FRMD4A: variants seen among roughly 807,000 people sequenced by gnomAD.
The protein encoded by FRMD4A is FERM domain-containing protein 4A.
FRMD4A carries 29 observed loss-of-function variants against 129.1 expected under a neutral mutation model. That is an observed-to-expected ratio of 0.22 (90% CI 0.17 to 0.31). The LOEUF (loss-of-function observed/expected upper bound fraction) is 0.31, where lower values mean the gene tolerates loss of function less well. FRMD4A is among the 10% of genes least tolerant of loss of function. The pLI is 1.00. For missense variants in FRMD4A, 1,272 were observed against 1,375.8 expected (o/e 0.92, Z 1.19); for synonymous variants, 634 against 571.6 (o/e 1.11, Z -1.56).
At chr10:13,676,619 G>A (rs932380045) in intron 15 of FRMD4A, among the ~76,000 whole-genome samples, 1 of 152,138 alleles carries the variant, frequency 6.6e-6, no homozygotes, top group African/African-American at 2.4e-5. Flanking sequence ...AGAAGTGTTA[G>A]AAACGGACAG....
rs369852562 is a variant in FRMD4A, at chr10:13,764,184, CGTGTGTGTGT to C, written c.385-1514_385-1505del. ...CATATCGATCACATCCAAAGATTTC[CGTGTGTGTGT>C]GTGTGTGTGTGTGTGTGTGTGTGTG... On this transcript the variant is annotated intron_variant, in intron 6 of 24. Transcript: ENST00000357447. Among the ~76,000 whole-genome samples the C allele has an allele frequency of 4.0e-3, 563 of 141,690 alleles. 3 individuals carry two copies. Among genetic ancestry groups the C allele is most frequent in the African/African-American group, 0.013 (504 of 37,504 alleles). 93.0% of individuals were successfully genotyped at this position (141,690 alleles called of 152,430 possible).
At chr10:13,983,717 G>C (rs980649483) in intron 2 of FRMD4A, among the ~76,000 whole-genome samples, 2 of 152,008 alleles carry the variant, frequency 1.3e-5, no homozygotes, top group Admixed American at 6.6e-5. Flanking sequence ...AATAAACTGG[G>C]GGCCGGGCGC....
In FRMD4A at chr10:13,762,765, G is replaced by A. The variant is rs1342030301; in HGVS notation, c.385-85C>T. The A allele has an allele frequency of 1.2e-5, 10 of 818,196 alleles. No individual in the cohort carries two copies. In the Admixed American group the frequency reaches 1.4e-4, roughly 12 times the overall value. 50.7% of individuals were successfully genotyped at this position (818,196 alleles called of 1,614,324 possible). A position where few individuals can be genotyped will look rare whatever the true frequency, so the allele number is the denominator to read the frequency against. ...TTATTTTAAATGACAGCTCTTCTTC[G>A]GGAGGATTACTTGAGCCCTGGAGTT... is the stretch of plus-strand genomic sequence containing the variant. On this transcript the variant is annotated intron_variant, in intron 6 of 24. Transcript: ENST00000357447.
chr10:13,730,178 G>C (rs1269555008), intron 12 of FRMD4A, among the ~76,000 whole-genome samples: 1 of 152,134 alleles, frequency 6.6e-6, no homozygotes, highest in Non-Finnish European at 1.5e-5. Flanking sequence ...AGAGCTCTCA[G>C]GCTTTCTCGG....
intron 2 of FRMD4A, among the ~76,000 whole-genome samples, chr10:14,211,929 C>G (rs1357897372): frequency 1.3e-5 from 2 of 152,196 alleles, no homozygotes; most frequent in Non-Finnish European, 2.9e-5. Context: ...TGCCTCAGCA[C>G]TGGGGAAGTG....
intron 3 of FRMD4A, among the ~76,000 whole-genome samples, chr10:13,846,895 C>T (rs1172159848): frequency 6.6e-6 from 1 of 152,144 alleles, no homozygotes; most frequent in East Asian, 1.9e-4. Context: ...GAACATGGAA[C>T]TAGGCAGGGT....
In FRMD4A at chr10:13,821,887, T is replaced by C. The variant is rs1305734342; in HGVS notation, c.112-10979A>G. 1.3e-5 allele frequency among the ~76,000 whole-genome samples: 2 copies of C among 152,088 alleles called. No homozygotes were observed. The highest frequency in any genetic ancestry group is 2.9e-5 in the Non-Finnish European group (2 of 68,012). On this transcript the variant is annotated intron_variant, in intron 3 of 24. Coordinates refer to ENST00000357447, the MANE Select transcript of FRMD4A (RefSeq NM_018027.5). This position sits in a 1 kb window ranked among gnomAD's most constrained non-coding sequence, Gnocchi z 4.3. ...AGGGTGGGCACCTTGGTTACCAGCA[T>C]AGGTGAGGTGGCCCCGAAGTGCCCG... is the stretch of plus-strand genomic sequence containing the variant.
At chr10:14,105,790 A>G (rs540385043) in intron 2 of FRMD4A, among the ~76,000 whole-genome samples, 8 of 152,052 alleles carry the variant, frequency 5.3e-5, no homozygotes, top group East Asian at 1.9e-4. Flanking sequence ...TTTTGAACAC[A>G]CTGGGTCATT....
chr10:14,009,573 A>G lies in FRMD4A; in HGVS notation c.46-150661T>C, dbSNP rs187332412. 1.3e-4 allele frequency among the ~76,000 whole-genome samples: 20 copies of G among 152,340 alleles called. No individual in the cohort carries two copies. In the East Asian group the frequency reaches 2.5e-3, roughly 19 times the overall value. ...GAAATGGGGGTGGGGTGCGAAGGAA[A>G]GAAGCAGAGTTTTGTACTATGAGAA... is the stretch of plus-strand genomic sequence containing the variant. On this transcript the variant is annotated intron_variant, in intron 2 of 24. Transcript: ENST00000357447.
intron 13 of FRMD4A, among the ~76,000 whole-genome samples, chr10:13,705,277 C>T (rs2087305305): frequency 6.6e-6 from 1 of 152,170 alleles, no homozygotes; most frequent in Admixed American, 6.5e-5. Flanking sequence ...TAGATTCTTT[C>T]CTATATCCCT....
intron 2 of FRMD4A, among the ~76,000 whole-genome samples, chr10:13,982,855 G>T (rs537429608): frequency 6.6e-6 from 1 of 152,184 alleles, no homozygotes; most frequent in African/African-American, 2.4e-5. Flanking sequence ...AATTTTCAGC[G>T]AACTTTCTGA....
intron 2 of FRMD4A, among the ~76,000 whole-genome samples, chr10:14,093,735 T>C (rs1324358837): frequency 6.6e-6 from 1 of 152,234 alleles, no homozygotes; most frequent in Non-Finnish European, 1.5e-5. Context: ...AGAGACTAGA[T>C]ATCCTGCTTA....
chr10:13,743,934 G>A (rs1355314948), intron 9 of FRMD4A, among the ~76,000 whole-genome samples: 2 of 152,144 alleles, frequency 1.3e-5, no homozygotes, highest in African/African-American at 2.4e-5. Context: ...GGGATAACTA[G>A]CAGAAATCCA....
chr10:13,689,464 A>G (rs1418806724), intron 15 of FRMD4A, among the ~76,000 whole-genome samples: 1 of 152,100 alleles, frequency 6.6e-6, no homozygotes. Context: ...ATAATTTGGG[A>G]AAAAAAGTAC....
At chr10:13,651,079 G>C (rs2081538276) in intron 24 of FRMD4A, 1 of 152,264 alleles carries the variant, frequency 6.6e-6, no homozygotes, top group South Asian at 2.1e-4. Context: ...AACCAGACCA[G>C]GTGGTACTGT....
intron 2 of FRMD4A, among the ~76,000 whole-genome samples, chr10:13,945,357 T>C (rs970013171): frequency 3.9e-5 from 6 of 152,102 alleles, no homozygotes; most frequent in Non-Finnish European, 7.3e-5. Context: ...TAAGTAATGG[T>C]GAATTTGTAA....
chr10:14,039,407 C>CTATCT (rs1833672639), intron 2 of FRMD4A, among the ~76,000 whole-genome samples: 23 of 147,810 alleles, frequency 1.6e-4, no homozygotes, highest in African/African-American at 5.9e-4. Flanking sequence ...TCCATCCATC[C>CTATCT]ATCTATCTAT....
At chr10:13,996,986 GCAAAACAAAACAAAACAAAACAAAA>G (rs55648919) in intron 2 of FRMD4A, among the ~76,000 whole-genome samples, 42,419 of 149,520 alleles carry the variant, frequency 0.28, 7,191 homozygotes, top group East Asian at 0.73. Flanking sequence ...AAAAATTGAG[GCAAAACAAAACAAAACAAAACAAAA>G]CAAAACAAAA....
At chr10:13,934,339 A>G in intron 2 of FRMD4A, among the ~76,000 whole-genome samples, 1 of 152,248 alleles carries the variant, frequency 6.6e-6, no homozygotes, top group East Asian at 1.9e-4. Flanking sequence ...GAATTTAGAG[A>G]AAAGTCTGAA....
Sources: gnomAD v4.1 joint callset for allele counts (sites outside exome capture counted in the v4.1 genomes callset) on GRCh38, gnomAD v4.1.1 for gene constraint, Gnocchi (gnomAD v3.1) non-coding constraint, MANE v1.5 for transcripts, NCBI Gene and HGNC (gene_info 2026-07-23, HGNC 2026-07-21) for gene names.